Variants in PARP15 observed in about 807,000 individuals in gnomAD.
PARP15 encodes the protein protein mono-ADP-ribosyltransferase PARP15.
In PARP15, 50 loss-of-function variants were observed where a neutral mutation model predicts 62.1. The observed-to-expected ratio is 0.81, with a 90% CI of 0.64 to 1.02. The LOEUF is 1.02. Ranked by LOEUF, PARP15 falls within the 50% of genes least tolerant of loss-of-function variation. The pLI, the probability that PARP15 is intolerant of heterozygous loss-of-function variation, is 0.00. For synonymous variants in PARP15, 309 were observed against 293.1 expected, an observed-to-expected ratio of 1.05 and a Z score of -0.55; for missense variants, 820 against 826.5, an observed-to-expected ratio of 0.99 and a Z score of 0.10.
intron 9 of PARP15, among the ~76,000 whole-genome samples, chr3:122,629,662 G>A (rs1936946749): frequency 6.6e-6 from 1 of 152,076 alleles, no homozygotes; most frequent in African/African-American, 2.4e-5. Context: ...TTATTACATT[G>A]TAATATATTA....
chr3:122,601,036 GTTTTT>G (rs771581231), intron 1 of PARP15, among the ~76,000 whole-genome samples: 21 of 73,036 alleles, frequency 2.9e-4, no homozygotes, highest in Admixed American at 1.2e-3. Flanking sequence ...GTCTTTTATG[GTTTTT>G]TTTTTTTTTT....
chr3:122,616,699 CT>C (rs1185817043), intron 5 of PARP15, among the ~76,000 whole-genome samples: 4 of 151,974 alleles, frequency 2.6e-5, no homozygotes, highest in Non-Finnish European at 4.4e-5. Context: ...TTCACACTCC[CT>C]TTTTTTTCTC....
intron 1 of PARP15, among the ~76,000 whole-genome samples, chr3:122,578,137 A>G (rs1576464253): frequency 1.3e-5 from 2 of 151,658 alleles, no homozygotes; most frequent in South Asian, 2.1e-4. Context: ...TGTGTTATGA[A>G]TATGTCCTCC....
intron 2 of PARP15, among the ~76,000 whole-genome samples, chr3:122,610,117 T>C (rs149449632): frequency 0.016 from 2,464 of 152,326 alleles, 65 homozygotes; most frequent in African/African-American, 0.053. Flanking sequence ...AATCTTTCTG[T>C]GTTTTTGTTT....
intron 1 of PARP15, among the ~76,000 whole-genome samples, chr3:122,595,027 G>C (rs2107488277): frequency 6.6e-6 from 1 of 152,284 alleles, no homozygotes; most frequent in Middle Eastern, 3.4e-3. Context: ...TGGTTATTCA[G>C]CTTTTAATGC....
intron 1 of PARP15, among the ~76,000 whole-genome samples, chr3:122,590,042 C>T (rs992079095): frequency 1.3e-5 from 2 of 151,644 alleles, no homozygotes; most frequent in East Asian, 1.9e-4. Context: ...CCCTTCACCA[C>T]GCCTGGCTAA....
At chr3:122,634,873 G>C in intron 10 of PARP15, 147 bp from the exon 11 acceptor site, 1 of 764,204 alleles carries the variant, frequency 1.3e-6, no homozygotes, top group Non-Finnish European at 2.1e-6. Context: ...TGAATTTGCT[G>C]TCTATTTGTA....
intron 10 of PARP15, among the ~76,000 whole-genome samples, chr3:122,632,758 A>C (rs1329775958): frequency 6.6e-6 from 1 of 152,226 alleles, no homozygotes; most frequent in African/African-American, 2.4e-5. Context: ...CTCCGTGTCT[A>C]GGGAATACCT....
intron 9 of PARP15, among the ~76,000 whole-genome samples, chr3:122,627,310 T>C (rs1191720091): frequency 2.0e-5 from 3 of 152,206 alleles, no homozygotes; most frequent in African/African-American, 7.2e-5. Flanking sequence ...GAGGAGGCTT[T>C]GCAAATTCTA....
chr3:122,599,825 T>C (rs1934656759), intron 1 of PARP15, among the ~76,000 whole-genome samples: 1 of 152,244 alleles, frequency 6.6e-6, no homozygotes, highest in African/African-American at 2.4e-5. Flanking sequence ...TCCTCCTGCC[T>C]TGGCCTCCCA....
At chr3:122,589,001 A>G (rs1933663346) in intron 1 of PARP15, among the ~76,000 whole-genome samples, 1 of 152,156 alleles carries the variant, frequency 6.6e-6, no homozygotes. Flanking sequence ...GGTTGTTTCT[A>G]CTTTTTGATG....
chr3:122,590,872 C>G (rs545008465), intron 1 of PARP15, among the ~76,000 whole-genome samples: 2 of 152,246 alleles, frequency 1.3e-5, no homozygotes, highest in African/African-American at 4.8e-5. Context: ...GCAGACTGCC[C>G]TTTTGTTATG....
intron 1 of PARP15, among the ~76,000 whole-genome samples, chr3:122,589,260 A>G (rs1443776504): frequency 3.3e-5 from 5 of 152,140 alleles, no homozygotes; most frequent in Admixed American, 6.5e-5. Context: ...TAATCCCATC[A>G]TGGGGTCCAC....
intron 1 of PARP15, among the ~76,000 whole-genome samples, chr3:122,579,993 CTATATGTATATATATA>C (rs1482398180): frequency 4.2e-5 from 3 of 70,828 alleles, no homozygotes; most frequent in Non-Finnish European, 8.9e-5. Flanking sequence ...ACAACAGCAA[CTATATGTATATATATA>C]TATATATATA....
At chr3:122,623,985 C>G (rs1182292071) in intron 8 of PARP15, among the ~76,000 whole-genome samples, 1 of 152,072 alleles carries the variant, frequency 6.6e-6, no homozygotes, top group East Asian at 1.9e-4. Context: ...AACCCTGTCT[C>G]TACTAAAATA....
chr3:122,627,141 CTT>C (rs1936788466), intron 9 of PARP15, 108 bp downstream of exon 9: 1 of 949,122 alleles, frequency 1.1e-6, no homozygotes, highest in South Asian at 1.8e-5. Context: ...CGTTTTAGGA[CTT>C]TTCAGACAAC....
chr3:122,626,735 C>T (rs1162243184), intron 8 of PARP15, 92 bp from the exon 9 acceptor site: 1 of 1,159,946 alleles, frequency 8.6e-7, no homozygotes, highest in Non-Finnish European at 1.2e-6. Flanking sequence ...GAGGGGCTTT[C>T]CTGTTTCTCA....
chr3:122,636,185 C>A lies in PARP15; in HGVS notation c.*85C>A. 7.3e-7 allele frequency: 1 copy of A among 1,368,176 alleles called. No individual in the cohort carries two copies. The highest frequency in any genetic ancestry group is 2.4e-5 in the East Asian group (1 of 41,706). The allele number at this position is 1,368,176 out of a possible 1,614,324, so 84.8% of individuals were successfully genotyped here. A position where few individuals can be genotyped will look rare whatever the true frequency, so the allele number is the denominator to read the frequency against. ...TGTCTTTGCTTCTGGCCTGTGTAAGCAGATGAAAGTTTCCCTTTTAGGTGC... is the reference window on the plus strand; with the variant it reads ...TGTCTTTGCTTCTGGCCTGTGTAAGAAGATGAAAGTTTCCCTTTTAGGTGC... On this transcript the variant is annotated 3_prime_UTR_variant, in exon 12 of 12. Coordinates refer to ENST00000464300, the MANE Select transcript of PARP15 (RefSeq NM_001113523.3).
chr3:122,623,677 A>G (rs1289771099), intron 8 of PARP15, among the ~76,000 whole-genome samples: 2 of 152,172 alleles, frequency 1.3e-5, no homozygotes, highest in African/African-American at 4.8e-5. Context: ...ACATTGTGAG[A>G]TCCTCAAAAG....
Sources: gnomAD v4.1 joint callset for allele counts (sites outside exome capture counted in the v4.1 genomes callset) on GRCh38, gnomAD v4.1.1 for gene constraint, MANE v1.5 for transcripts, NCBI Gene and HGNC (gene_info 2026-07-23, HGNC 2026-07-21) for gene names.